Variants in NELL1 observed in about 807,000 individuals in gnomAD.
NELL1 encodes the protein neural EGFL like 1.
NELL1 carries 76 observed loss-of-function variants against 107.4 expected under a neutral mutation model. The ratio of observed to expected loss-of-function variants is 0.71; its 90% CI spans 0.59 to 0.86. The LOEUF is 0.86. Ranked by LOEUF, NELL1 falls within the 40% of genes least tolerant of loss-of-function variation. The probability of loss-of-function intolerance (pLI) is 0.00; values close to 1 mark genes in which losing one functional copy is unlikely to be tolerated. For missense variants in NELL1, 1,024 were observed against 1,005.5 expected (o/e 1.02, Z -0.25); for synonymous variants, 353 against 341.2 (o/e 1.03, Z -0.38).
chr11:20,816,451 A>G (rs976618082), intron 3 of NELL1, among the ~76,000 whole-genome samples: 2 of 152,128 alleles, frequency 1.3e-5, no homozygotes, highest in African/African-American at 4.8e-5. Flanking sequence ...CAGTTTGAAC[A>G]TTATTGGTAT....
At chr11:20,863,792 C>T (rs535766298) in intron 4 of NELL1, among the ~76,000 whole-genome samples, 12 of 152,290 alleles carry the variant, frequency 7.9e-5, no homozygotes, top group East Asian at 1.9e-4. Context: ...GCCGAGATCA[C>T]GCCACTGCAC....
chr11:21,352,603 C>A (rs113212596), intron 14 of NELL1, among the ~76,000 whole-genome samples: 8 of 152,082 alleles, frequency 5.3e-5, no homozygotes, highest in African/African-American at 1.7e-4. Flanking sequence ...TTTCTTCTCA[C>A]GAAAAATACA....
At chr11:21,234,374 G>A (rs1670658) in intron 14 of NELL1, among the ~76,000 whole-genome samples, 60,171 of 151,906 alleles carry the variant, frequency 0.4, 12,072 homozygotes, top group East Asian at 0.53. Flanking sequence ...TGTTAACCCT[G>A]TAGGAGCTTC....
At chr11:20,904,395 C>G (rs1178656309) in intron 5 of NELL1, among the ~76,000 whole-genome samples, 2 of 151,852 alleles carry the variant, frequency 1.3e-5, no homozygotes, top group East Asian at 3.9e-4. Flanking sequence ...TCAAATGTAC[C>G]CAATACATAG....
At chr11:20,828,334 C>A (rs1407722499) in intron 3 of NELL1, among the ~76,000 whole-genome samples, 1 of 140,806 alleles carries the variant, frequency 7.1e-6, no homozygotes, top group Non-Finnish European at 1.7e-5. Context: ...GTTAATCTTG[C>A]ATGTTCTACT....
chr11:21,484,607 T>C (rs1854579927), intron 15 of NELL1, among the ~76,000 whole-genome samples: 1 of 152,020 alleles, frequency 6.6e-6, no homozygotes, highest in East Asian at 1.9e-4. Context: ...TAGTAGATGA[T>C]ATGCATACAT....
At chr11:21,411,797 G>A (rs1266747063) in intron 15 of NELL1, among the ~76,000 whole-genome samples, 2 of 152,056 alleles carry the variant, frequency 1.3e-5, no homozygotes, top group African/African-American at 2.4e-5. Context: ...TGATTCAGTA[G>A]ATCAAATCAT....
At chr11:21,362,606 A>G (rs376422044) in intron 14 of NELL1, among the ~76,000 whole-genome samples, 2 of 151,954 alleles carry the variant, frequency 1.3e-5, no homozygotes, top group Admixed American at 6.6e-5. Context: ...GCTATAATGG[A>G]GTTGGTTGGC....
At chr11:21,453,981 G>C (rs188238106) in intron 15 of NELL1, among the ~76,000 whole-genome samples, 6 of 149,816 alleles carry the variant, frequency 4.0e-5, no homozygotes, top group African/African-American at 1.2e-4. Flanking sequence ...ACATTGTGCA[G>C]GTTAGTTACA....
At chr11:21,277,805 A>G (rs1258012133) in intron 14 of NELL1, among the ~76,000 whole-genome samples, 2 of 152,180 alleles carry the variant, frequency 1.3e-5, no homozygotes, top group Non-Finnish European at 2.9e-5. Context: ...AAGGACAAAA[A>G]ACCAAACACT....
chr11:20,705,886 A>G (rs1854937646), intron 2 of NELL1, among the ~76,000 whole-genome samples: 1 of 152,210 alleles, frequency 6.6e-6, no homozygotes, highest in Non-Finnish European at 1.5e-5. Flanking sequence ...ATAAGAAGAC[A>G]TTTATGCAGC....
At chr11:21,179,884 TTTTG>T (rs1856792870) in intron 13 of NELL1, among the ~76,000 whole-genome samples, 1 of 143,348 alleles carries the variant, frequency 7.0e-6, no homozygotes, top group Admixed American at 7.2e-5. Context: ...TTTTTTTTTT[TTTTG>T]TAAAGGTCTA....
chr11:21,244,908 A>C (rs1858451958), intron 14 of NELL1, among the ~76,000 whole-genome samples: 1 of 152,064 alleles, frequency 6.6e-6, no homozygotes, highest in Non-Finnish European at 1.5e-5. Context: ...CACTTTTACA[A>C]CTGGGGATAA....
chr11:20,867,802 A>C, intron 4 of NELL1, among the ~76,000 whole-genome samples: 1 of 152,206 alleles, frequency 6.6e-6, no homozygotes, highest in East Asian at 1.9e-4. Context: ...CAGTACCTGC[A>C]CACTTTGGAT....
At chr11:21,432,288 G>A (rs1852986788) in intron 15 of NELL1, among the ~76,000 whole-genome samples, 1 of 151,958 alleles carries the variant, frequency 6.6e-6, no homozygotes. Context: ...TGTCCCTAAA[G>A]ATAGCTATGA....
rs1451971130 is a variant in NELL1 at position 21,397,835 on chromosome 11, C to T, written c.1645+26887C>T. The stretch of plus-strand genomic sequence containing the variant: ...AAGACCTTTGAAATTGTGACAACTG[C>T]CCTTATATTAGAGGCCCAAGGGAGA... On this transcript the variant is annotated intron_variant, in intron 15 of 19. Coordinates refer to ENST00000357134, the MANE Select transcript of NELL1 (RefSeq NM_006157.5). 2.0e-5 allele frequency among the ~76,000 whole-genome samples: 3 copies of T among 151,374 alleles called. No individual in the cohort carries two copies. In the East Asian group the frequency reaches 5.9e-4, roughly 30 times the overall value.
intron 15 of NELL1, among the ~76,000 whole-genome samples, chr11:21,483,004 T>A (rs891975402): frequency 2.0e-5 from 3 of 152,102 alleles, no homozygotes; most frequent in Non-Finnish European, 2.9e-5. Context: ...TTTTTCTTTT[T>A]TGAGACATAG....
chr11:21,223,935 A>G (rs1393728330), intron 13 of NELL1, among the ~76,000 whole-genome samples: 2 of 152,130 alleles, frequency 1.3e-5, no homozygotes, highest in African/African-American at 4.8e-5. Context: ...TTTTCTGTGT[A>G]TAGGTTTCTT....
intron 9 of NELL1, among the ~76,000 whole-genome samples, chr11:20,930,829 A>G (rs1432208762): frequency 1.4e-5 from 2 of 145,582 alleles, no homozygotes; most frequent in Non-Finnish European, 3.0e-5. Flanking sequence ...TTCCCTTTGC[A>G]TGGAATTCAT....
Sources: gnomAD v4.1 joint callset for allele counts (sites outside exome capture counted in the v4.1 genomes callset) on GRCh38, gnomAD v4.1.1 for gene constraint, MANE v1.5 for transcripts, NCBI Gene and HGNC (gene_info 2026-07-23, HGNC 2026-07-21) for gene names.